The following MARCHF3 variants were observed in gnomAD, a reference collection of about 807,000 sequenced individuals.
The protein encoded by MARCHF3 is membrane associated ring-CH-type finger 3.
Under a neutral mutation model 24.2 loss-of-function variants are expected in MARCHF3, and 13 were observed. The ratio of observed to expected loss-of-function variants is 0.54; its 90% CI spans 0.35 to 0.85. The LOEUF (loss-of-function observed/expected upper bound fraction) is 0.85. MARCHF3 is among the 40% of genes least tolerant of loss of function. The pLI, the probability that MARCHF3 is intolerant of heterozygous loss-of-function variation, is 0.01. For synonymous variants in MARCHF3, 144 were observed against 137.3 expected (o/e 1.05, Z -0.34); for missense variants, 276 against 325.0 (o/e 0.85, Z 1.16).
At chr5:126,983,233 C>T (rs554625099) in intron 1 of MARCHF3, among the ~76,000 whole-genome samples, 4 of 152,270 alleles carry the variant, frequency 2.6e-5, no homozygotes, top group African/African-American at 9.6e-5. Flanking sequence ...AAGAATGCTG[C>T]CTGTTTTTCA....
chr5:126,952,628 A>T (rs1355805215), intron 1 of MARCHF3, among the ~76,000 whole-genome samples: 1 of 151,788 alleles, frequency 6.6e-6, no homozygotes, highest in Non-Finnish European at 1.5e-5. Context: ...TTTTATTTTT[A>T]TTTTTTTACT....
intron 1 of MARCHF3, among the ~76,000 whole-genome samples, chr5:127,008,736 A>G (rs1396839613): frequency 2.6e-5 from 4 of 152,148 alleles, no homozygotes; most frequent in Non-Finnish European, 4.4e-5. Context: ...GGAGCTGAGG[A>G]AGTCCAGTGT....
Position 126,889,762 on chromosome 5 carries a change from G to C in MARCHF3, c.394-11368C>G, listed in dbSNP as rs115321737. Among the ~76,000 whole-genome samples the C allele has an allele frequency of 2.4e-3, 367 of 152,290 alleles. 2 individuals carry two copies. Among genetic ancestry groups the C allele is most frequent in the African/African-American group, 8.4e-3 (348 of 41,572 alleles). On this transcript the variant is annotated intron_variant, in intron 3 of 4. Coordinates refer to ENST00000308660, the MANE Select transcript of MARCHF3 (RefSeq NM_178450.5). ...TACATCCTAGCACCTAATGGATTAG[G>C]AATCATTCAAGGCTCCACTTGAGGC...
chr5:126,957,364 G>A (rs868477744), intron 1 of MARCHF3, among the ~76,000 whole-genome samples: 31 of 152,140 alleles, frequency 2.0e-4, no homozygotes, highest in Middle Eastern at 3.4e-3. Context: ...TGACACATAA[G>A]CTTTAGAAGT....
chr5:126,926,966 C>T (rs796195656), intron 1 of MARCHF3, among the ~76,000 whole-genome samples: 5 of 152,232 alleles, frequency 3.3e-5, no homozygotes, highest in African/African-American at 9.6e-5. Flanking sequence ...TTCTCATTAC[C>T]CCTGCCCCCA....
intron 1 of MARCHF3, among the ~76,000 whole-genome samples, chr5:127,017,078 C>A (rs972119152): frequency 3.9e-5 from 6 of 152,042 alleles, no homozygotes; most frequent in Middle Eastern, 3.4e-3. Flanking sequence ...AACACTTGGA[C>A]GCAGGGAGGG....
intron 1 of MARCHF3, among the ~76,000 whole-genome samples, chr5:126,934,717 G>C (rs1440790418): frequency 6.6e-6 from 1 of 151,988 alleles, no homozygotes; most frequent in African/African-American, 2.4e-5. Flanking sequence ...GAAGGAAGAG[G>C]GGGAAGAAAG....
intron 3 of MARCHF3, among the ~76,000 whole-genome samples, chr5:126,896,954 A>G (rs1438577940): frequency 2.6e-5 from 4 of 151,960 alleles, no homozygotes; most frequent in African/African-American, 9.7e-5. Context: ...TATCTGAGAT[A>G]CAGGAAAGGG....
At chr5:126,997,654 T>G (rs1247385051) in intron 1 of MARCHF3, among the ~76,000 whole-genome samples, 1 of 152,246 alleles carries the variant, frequency 6.6e-6, no homozygotes, top group East Asian at 1.9e-4. Context: ...TAGAATCATC[T>G]ATTCAGTTAT....
chr5:126,910,789 A>G (rs755343489), intron 3 of MARCHF3, among the ~76,000 whole-genome samples: 1 of 152,224 alleles, frequency 6.6e-6, no homozygotes, highest in African/African-American at 2.4e-5. Context: ...GATAACAGCA[A>G]TGTTCAGGAA....
At chr5:126,947,010 T>G (rs1009565212) in intron 1 of MARCHF3, among the ~76,000 whole-genome samples, 1 of 152,238 alleles carries the variant, frequency 6.6e-6, no homozygotes, top group Non-Finnish European at 1.5e-5. Flanking sequence ...TTTCAACATA[T>G]GTCAAAACAT....
At chr5:126,988,725 A>G (rs1198639692) in intron 1 of MARCHF3, among the ~76,000 whole-genome samples, 1 of 152,190 alleles carries the variant, frequency 6.6e-6, no homozygotes, top group Admixed American at 6.5e-5. Flanking sequence ...AAAAGGCAAG[A>G]GTATAAGCTT....
intron 1 of MARCHF3, among the ~76,000 whole-genome samples, chr5:126,994,902 A>G (rs966665298): frequency 6.6e-6 from 1 of 152,258 alleles, no homozygotes; most frequent in Non-Finnish European, 1.5e-5. Context: ...CCAAGAGTCC[A>G]AAAGCTGAAG....
chr5:126,929,569 G>C (rs1288001666), intron 1 of MARCHF3, among the ~76,000 whole-genome samples: 1 of 152,176 alleles, frequency 6.6e-6, no homozygotes, highest in African/African-American at 2.4e-5. Flanking sequence ...GGTTAAATAT[G>C]ATTTACACAA....
At chr5:126,899,632 C>T (rs1444367259) in intron 3 of MARCHF3, among the ~76,000 whole-genome samples, 1 of 152,072 alleles carries the variant, frequency 6.6e-6, no homozygotes, top group Non-Finnish European at 1.5e-5. Context: ...TTTCTGGCTT[C>T]TGATAGGGTG....
intron 3 of MARCHF3, among the ~76,000 whole-genome samples, chr5:126,890,187 C>A (rs1340313431): frequency 6.6e-6 from 1 of 151,952 alleles, no homozygotes; most frequent in Non-Finnish European, 1.5e-5. Flanking sequence ...GTCTTACTTC[C>A]TTTGATTATG....
chr5:126,923,281 A>C (rs187136054), intron 1 of MARCHF3, among the ~76,000 whole-genome samples: 1 of 152,360 alleles, frequency 6.6e-6, no homozygotes. Context: ...AATACACTAG[A>C]AAATAAAACA....
rs1259563870 is a variant in MARCHF3, at chr5:126,869,046, C to G, written c.*1587G>C. The G allele has an allele frequency of 6.6e-6, 1 of 152,218 alleles. No homozygotes were observed. The highest frequency in any genetic ancestry group is 2.4e-5 in the African/African-American group (1 of 41,444). The allele number at this position is 152,218 out of a possible 1,614,324, so 9.4% of individuals were successfully genotyped here. On this transcript the variant is annotated 3_prime_UTR_variant, in exon 5 of 5. Transcript: ENST00000308660. ...CACATCTGAGTTTTGCAGCGGAGAG[C>G]AGTACAGCTGTTTCCCTCCCCAGGC... is the stretch of plus-strand genomic sequence containing the variant.
At chr5:126,897,454 T>C (rs576836681) in intron 3 of MARCHF3, among the ~76,000 whole-genome samples, 1 of 152,036 alleles carries the variant, frequency 6.6e-6, no homozygotes, top group East Asian at 1.9e-4. Flanking sequence ...GGTTGCAAAA[T>C]ATGAGATTAA....
Sources: allele counts gnomAD v4.1 joint callset (sites outside exome capture counted in the v4.1 genomes callset), GRCh38; gene constraint gnomAD v4.1.1; transcripts MANE v1.5; gene names NCBI Gene and HGNC (gene_info 2026-07-23, HGNC 2026-07-21).